The following TP73 variants were observed in gnomAD, a reference collection of about 807,000 sequenced individuals.
TP73 encodes the protein p53-like transcription factor.
In TP73, 25 loss-of-function variants were observed where a neutral mutation model predicts 62.5. The ratio of observed to expected loss-of-function variants is 0.40; its 90% CI spans 0.29 to 0.56. The LOEUF is 0.56. Among genes scored for constraint, TP73 ranks in the 20% least tolerant of loss-of-function variants. TP73 has a pLI of 0.46. For synonymous variants in TP73, 423 were observed against 377.5 expected (o/e 1.12, Z -1.40); for missense variants, 754 against 913.3 (o/e 0.83, Z 2.25).
chr1:3,659,872 G>T (rs755176085), intron 1 of TP73, among the ~76,000 whole-genome samples: 4 of 152,052 alleles, frequency 2.6e-5, no homozygotes, highest in African/African-American at 4.8e-5. Flanking sequence ...TAGAGACAGG[G>T]TTTTGCCATG....
intron 3 of TP73, among the ~76,000 whole-genome samples, chr1:3,686,818 C>G (rs2102112105): frequency 6.6e-6 from 1 of 152,266 alleles, no homozygotes; most frequent in Admixed American, 6.5e-5. Flanking sequence ...CTGAGCTGGG[C>G]AACTTTTAAA....
At chr1:3,727,326 G>T in intron 7 of TP73, 102 bp downstream of exon 7, 1 of 1,209,570 alleles carries the variant, frequency 8.3e-7, no homozygotes, top group Non-Finnish European at 1.2e-6. Flanking sequence ...AGGCTAGCTT[G>T]GGGAAGAGAC....
chr1:3,680,923 G>GCATTCATCAC (rs1645504205), intron 1 of TP73, among the ~76,000 whole-genome samples: 1 of 152,258 alleles, frequency 6.6e-6, no homozygotes, highest in South Asian at 2.1e-4. Flanking sequence ...AGCCCCTGGA[G>GCATTCATCAC]CATTCATCAC....
intron 3 of TP73, chr1:3,690,774 C>A: frequency 6.7e-7 from 1 of 1,489,864 alleles, no homozygotes; most frequent in Non-Finnish European, 9.0e-7. Flanking sequence ...TCACTAGCTG[C>A]GGAGCCTCTC....
chr1:3,690,294 C>A (rs142646814), intron 3 of TP73, among the ~76,000 whole-genome samples: 1 of 152,046 alleles, frequency 6.6e-6, no homozygotes, highest in Non-Finnish European at 1.5e-5. Flanking sequence ...CTGGTCCTGG[C>A]GGACCACCGA....
chr1:3,673,772 T>A (rs1645297655), intron 1 of TP73, among the ~76,000 whole-genome samples: 1 of 152,160 alleles, frequency 6.6e-6, no homozygotes, highest in Admixed American at 6.5e-5. Context: ...GCCTCTTGGA[T>A]GTCTGGATGT....
chr1:3,684,178 G>C (rs1325339020), intron 3 of TP73, among the ~76,000 whole-genome samples: 1 of 152,242 alleles, frequency 6.6e-6, no homozygotes, highest in Admixed American at 6.5e-5. Context: ...AGCCGTCCCC[G>C]CTGGACTCGT....
intron 1 of TP73, among the ~76,000 whole-genome samples, chr1:3,673,845 T>C (rs536652404): frequency 6.6e-6 from 1 of 152,310 alleles, no homozygotes; most frequent in African/African-American, 2.4e-5. Flanking sequence ...AGAGAGGGGC[T>C]TCCCAGGCAG....
At chr1:3,709,561 T>G (rs1639962072) in intron 4 of TP73, among the ~76,000 whole-genome samples, 1 of 152,146 alleles carries the variant, frequency 6.6e-6, no homozygotes, top group Non-Finnish European at 1.5e-5. Flanking sequence ...CACCTGCCTG[T>G]GGGGCAAGGG....
chr1:3,709,244 G>A (rs1458608411), intron 4 of TP73, among the ~76,000 whole-genome samples: 5 of 152,198 alleles, frequency 3.3e-5, no homozygotes, highest in African/African-American at 9.6e-5. Context: ...GCCCGGACTC[G>A]CTGGGCTTGA....
intron 10 of TP73, 195 bp downstream of exon 10, chr1:3,729,643 T>C (rs779521101): frequency 2.0e-6 from 2 of 1,022,490 alleles, no homozygotes; most frequent in Non-Finnish European, 3.0e-6. Flanking sequence ...CCTGGGACCC[T>C]GGGTCATGGC....
chr1:3,724,872 A>G (rs562803676), intron 6 of TP73, among the ~76,000 whole-genome samples: 1 of 152,362 alleles, frequency 6.6e-6, no homozygotes, highest in East Asian at 1.9e-4. Context: ...CACAAAAGTT[A>G]GCCGAGCCTC....
rs1181868 is a variant in TP73 at position 3,734,562 on chromosome 1, G to T, written c.*1483G>T. On this transcript the variant is annotated 3_prime_UTR_variant, in exon 14 of 14. Transcript: ENST00000378295. This position sits in a 1 kb window ranked among gnomAD's most constrained non-coding sequence, Gnocchi z 4.4. Reference sequence around the variant, plus strand: ...GCCTAGGGTATGTGTGGTCCTAAGGGCTAGGAGCTTCCCCTACTAACATCT... The same window carrying T: ...GCCTAGGGTATGTGTGGTCCTAAGGTCTAGGAGCTTCCCCTACTAACATCT... 0.54 allele frequency: 82,048 copies of T among 152,180 alleles called. 26,302 individuals are homozygous for T. Among genetic ancestry groups the T allele is most frequent in the Non-Finnish European group, 0.73 (50,031 of 68,072 alleles). 9.4% of individuals were successfully genotyped at this position (152,180 alleles called of 1,614,324 possible).
intron 4 of TP73, among the ~76,000 whole-genome samples, chr1:3,721,812 G>C (rs1641094084): frequency 6.6e-6 from 1 of 152,192 alleles, no homozygotes; most frequent in African/African-American, 2.4e-5. Context: ...GATGGCTGTG[G>C]AGTGGGTGCC....
chr1:3,725,465 TG>T (rs1249744287), intron 6 of TP73, among the ~76,000 whole-genome samples: 1 of 94,666 alleles, frequency 1.1e-5, no homozygotes, highest in Non-Finnish European at 2.1e-5. Flanking sequence ...ATAAATGGGG[TG>T]GGTGGGTGAG....
In TP73 at chr1:3,731,591, G is replaced by A. The variant is rs766768133; in HGVS notation, c.1578+35G>A. ...GGGTGGACCCCGCTCTGCAGAGGCA[G>A]TAGCTGGAGGGGCCCCTGTCCGGAG... On this transcript the variant is annotated intron_variant, in intron 13 of 13. Coordinates refer to ENST00000378295, the MANE Select transcript of TP73 (RefSeq NM_005427.4). 6 of 1,594,326 alleles carry A rather than the reference G, an allele frequency of 3.8e-6. No homozygotes were observed. The African/African-American group carries it at 8.1e-5, about 21-fold the overall frequency.
intron 3 of TP73, among the ~76,000 whole-genome samples, chr1:3,707,200 C>T (rs1017260998): frequency 6.6e-6 from 1 of 152,140 alleles, no homozygotes; most frequent in Non-Finnish European, 1.5e-5. Flanking sequence ...GACCCCGATG[C>T]CGCCCGGAGG....
At chr1:3,679,023 A>G (rs771387432) in intron 1 of TP73, among the ~76,000 whole-genome samples, 1 of 152,268 alleles carries the variant, frequency 6.6e-6, no homozygotes, top group African/African-American at 2.4e-5. Flanking sequence ...TCGGGGACCC[A>G]CGACCACGCT....
At chr1:3,722,336 C>T (rs2124479515) in intron 5 of TP73, 129 bp downstream of exon 5, 1 of 1,127,966 alleles carries the variant, frequency 8.9e-7, no homozygotes, top group Non-Finnish European at 1.2e-6. Context: ...CTGCGGAGGG[C>T]TTTCAGTGCC....
Sources: gnomAD v4.1 joint callset for allele counts (sites outside exome capture counted in the v4.1 genomes callset) on GRCh38, gnomAD v4.1.1 for gene constraint, Gnocchi (gnomAD v3.1) non-coding constraint, MANE v1.5 for transcripts, NCBI Gene and HGNC (gene_info 2026-07-23, HGNC 2026-07-21) for gene names.